The following EVC variants were observed in gnomAD, a reference collection of about 807,000 sequenced individuals.
EVC encodes the protein evC complex member EVC.
A neutral mutation model predicts 118.9 loss-of-function variants in EVC; 116 were observed. The ratio of observed to expected loss-of-function variants is 0.98; its 90% confidence interval spans 0.84 to 1.14. The LOEUF (loss-of-function observed/expected upper bound fraction) is 1.14. EVC is among the 50% of genes most tolerant of loss of function. EVC has a pLI of 0.00. For missense variants in EVC, 1,401 were observed against 1,246.4 expected (o/e 1.12, Z -1.87); for synonymous variants, 619 against 534.7 (o/e 1.16, Z -2.18).
rs1461974356 is a variant in EVC, at chr4:5,798,315, A to G, written c.2098-271A>G. Among the ~76,000 whole-genome samples the G allele has an allele frequency of 2.0e-5, 3 of 152,176 alleles. No homozygotes were observed. The highest frequency in any genetic ancestry group is 4.4e-5 in the Non-Finnish European group (3 of 68,026). On this transcript the variant is annotated intron_variant, in intron 14 of 20. Coordinates refer to ENST00000264956, the MANE Select transcript of EVC (RefSeq NM_153717.3). This position sits in a 1 kb window ranked among gnomAD's most constrained non-coding sequence, Gnocchi z 4.1. ...CTCATGATGTTCTAGAAGGATGAGCAAGGCCCCCCATCTTGTGAGGGGCCA... is the reference window on the plus strand; with the variant it reads ...CTCATGATGTTCTAGAAGGATGAGCGAGGCCCCCCATCTTGTGAGGGGCCA...
rs1320179022 is a variant in EVC at position 5,742,523 on chromosome 4, T to C, written c.801+709T>C. ...CATCATGTCATTGTTGTCATCACCA[T>C]AAACACCATCATCTTTGCTATTGTC... On this transcript the variant is annotated intron_variant, in intron 6 of 20. Coordinates refer to ENST00000264956, the MANE Select transcript of EVC (RefSeq NM_153717.3). The surrounding 1 kb of genome is among the most constrained non-coding windows in gnomAD (Gnocchi z 5.2). Among the ~76,000 whole-genome samples, 1 of 152,150 alleles carries C rather than the reference T, an allele frequency of 6.6e-6. No individual in the cohort carries two copies.
At chr4:5,741,291 C>T (rs1442579380) in intron 5 of EVC, among the ~76,000 whole-genome samples, 1 of 152,332 alleles carries the variant, frequency 6.6e-6, no homozygotes, top group East Asian at 1.9e-4. Flanking sequence ...ACATCTCCAT[C>T]CATTGAAACA....
intron 11 of EVC, among the ~76,000 whole-genome samples, chr4:5,778,155 A>G (rs2152264763): frequency 6.6e-6 from 1 of 151,688 alleles, no homozygotes; most frequent in East Asian, 1.9e-4. Flanking sequence ...ATGTCCCTAC[A>G]AAGGACATGA....
chr4:5,717,579 C>T (rs1463579842), intron 1 of EVC, among the ~76,000 whole-genome samples: 1 of 152,172 alleles, frequency 6.6e-6, no homozygotes, highest in Non-Finnish European at 1.5e-5. Context: ...GGTTGGTAAA[C>T]AACCCCCCAA....
intron 5 of EVC, among the ~76,000 whole-genome samples, chr4:5,735,385 A>T (rs1727498890): frequency 6.6e-6 from 1 of 152,194 alleles, no homozygotes; most frequent in Admixed American, 6.5e-5. Flanking sequence ...TTTGACAATT[A>T]GGAGCTGTGT....
intron 1 of EVC, among the ~76,000 whole-genome samples, chr4:5,712,922 C>G (rs1379983966): frequency 6.6e-6 from 1 of 152,188 alleles, no homozygotes; most frequent in African/African-American, 2.4e-5. Flanking sequence ...GAGGAACTGC[C>G]ATTATCCCCA....
chr4:5,724,639 C>T (rs1725508280), intron 2 of EVC, among the ~76,000 whole-genome samples: 1 of 151,898 alleles, frequency 6.6e-6, no homozygotes, highest in South Asian at 2.1e-4. Context: ...GAGACAGTGA[C>T]CTCTGTGGCA....
the EVC span, chr4:5,828,685 A>C: frequency 2.5e-6 from 4 of 1,611,298 alleles, no homozygotes; most frequent in Non-Finnish European, 3.4e-6. Flanking sequence ...CAACAGCCTC[A>C]GTGTTACTTC....
intron 11 of EVC, among the ~76,000 whole-genome samples, chr4:5,774,943 G>A (rs767922132): frequency 3.9e-5 from 6 of 152,230 alleles, no homozygotes; most frequent in East Asian, 3.9e-4. Flanking sequence ...GACAAAGAAC[G>A]CAGACTTGAG....
chr4:5,815,859 T>C (rs1483300365), downstream of EVC, among the ~76,000 whole-genome samples: 2 of 152,168 alleles, frequency 1.3e-5, no homozygotes, highest in African/African-American at 4.8e-5. Context: ...CATGGTCACC[T>C]GGTGGAAGGA....
At position 5,738,449 on chromosome 4, in the gene EVC, C is replaced by A. The variant is rs181769753; in HGVS notation, c.703-3267C>A. ...ATAGCATGGCACGCTGCAGAGAAATCTTTTGTGAAAGGAAGAGTCAGCTGA... is the reference window on the plus strand; with the variant it reads ...ATAGCATGGCACGCTGCAGAGAAATATTTTGTGAAAGGAAGAGTCAGCTGA... On this transcript the variant is annotated intron_variant, in intron 5 of 20. Coordinates refer to ENST00000264956, the MANE Select transcript of EVC (RefSeq NM_153717.3). The surrounding 1 kb of genome is among the most constrained non-coding windows in gnomAD (Gnocchi z 6.5). Among the ~76,000 whole-genome samples, 29 of 152,254 alleles carry A rather than the reference C, an allele frequency of 1.9e-4. No individual in the cohort carries two copies. Among genetic ancestry groups the A allele is most frequent in the African/African-American group, 6.3e-4 (26 of 41,552 alleles).
rs867835529 is a variant in EVC, at chr4:5,797,096, A to G, written c.1961A>G (p.Asn654Ser). Residue 654 changes from asparagine to serine, a missense_variant, in exon 14 of 21, where the codon AAC (asparagine) becomes AGC (serine). Coordinates refer to ENST00000264956, the MANE Select transcript of EVC (RefSeq NM_153717.3). Reference sequence around the variant, plus strand: ...CTCCGGAGGCTGGCACTCCGCGGCAACGCCCTGGCCACCCTGACGCAGATG... The same window carrying G: ...CTCCGGAGGCTGGCACTCCGCGGCAGCGCCCTGGCCACCCTGACGCAGATG... ...SALRRLALRGNALATLTQMRL... is the reference protein window; with the variant it reads ...SALRRLALRGSALATLTQMRL... 1.2e-6 allele frequency: 2 copies of G among 1,613,550 alleles called. No homozygotes were observed. Among genetic ancestry groups the G allele is most frequent in the African/African-American group, 1.3e-5 (1 of 75,076 alleles).
intron 11 of EVC, among the ~76,000 whole-genome samples, chr4:5,760,711 C>T (rs1298627441): frequency 1.3e-5 from 2 of 152,118 alleles, no homozygotes; most frequent in Admixed American, 1.3e-4. Flanking sequence ...TGCCACCACG[C>T]CCAGCTAATT....
chr4:5,810,416 C>G lies in EVC; in HGVS notation c.2860C>G (p.Leu954Val), dbSNP rs1305591957. 1 of 1,613,398 alleles carries G rather than the reference C, an allele frequency of 6.2e-7. No individual in the cohort carries two copies. Among genetic ancestry groups the G allele is most frequent in the Non-Finnish European group, 8.5e-7 (1 of 1,179,842 alleles). ...CCTGGGGGTGCCCAACAATGAGGAC[C>G]TTGCCTCCGGGGACCAGACCTCAGG... ...GDLGVPNNEDLASGDQTSGSL... is the reference protein window; with the variant it reads ...GDLGVPNNEDVASGDQTSGSL... The change falls in exon 20 of 21, where the codon CTT (leucine) becomes GTT (valine). Residue 954 changes from leucine (L) to valine (V), a missense_variant. Physicochemically the swap from Leu to Val is conservative, Grantham distance 32. Coordinates refer to ENST00000264956, the MANE Select transcript of EVC (RefSeq NM_153717.3).
chr4:5,828,798 T>C, the EVC span: 4 of 1,117,080 alleles, frequency 3.6e-6, no homozygotes, highest in Non-Finnish European at 5.0e-6. Context: ...TAAAAATACC[T>C]TTTATTGACT....
At chr4:5,728,487 G>A (rs1726227960) in intron 2 of EVC, among the ~76,000 whole-genome samples, 1 of 152,030 alleles carries the variant, frequency 6.6e-6, no homozygotes, top group Non-Finnish European at 1.5e-5. Context: ...AGACAATGGG[G>A]TTTTCTAGAT....
In EVC at chr4:5,731,991, T is replaced by C. The variant is rs2151938316; in HGVS notation, c.617+334T>C. ...CAGAGTGCTAAGCACTTTACAGGGA[T>C]TGATGATCTCATGAGGATTTTGCCC... On this transcript the variant is annotated intron_variant, in intron 4 of 20. Coordinates refer to ENST00000264956, the MANE Select transcript of EVC (RefSeq NM_153717.3). This position sits in a 1 kb window ranked among gnomAD's most constrained non-coding sequence, Gnocchi z 5.6. Among the ~76,000 whole-genome samples, 1 of 152,244 alleles carries C rather than the reference T, an allele frequency of 6.6e-6. No homozygotes were observed. Among genetic ancestry groups the C allele is most frequent in the African/African-American group, 2.4e-5 (1 of 41,534 alleles).
At chr4:5,745,408 A>G (rs1729221766) in intron 7 of EVC, 67 bp downstream of exon 7, 1 of 1,525,722 alleles carries the variant, frequency 6.6e-7, no homozygotes, top group South Asian at 1.1e-5. Context: ...TGGCTACATT[A>G]GAGAGATGAT....
chr4:5,730,721 G>T (rs1046556915), intron 3 of EVC, among the ~76,000 whole-genome samples: 2 of 152,104 alleles, frequency 1.3e-5, no homozygotes, highest in East Asian at 3.9e-4. Flanking sequence ...GGACGCTTCT[G>T]CCCAGCAAAC....
Sources: gnomAD v4.1 joint callset for allele counts (sites outside exome capture counted in the v4.1 genomes callset) on GRCh38, gnomAD v4.1.1 for gene constraint, Gnocchi (gnomAD v3.1) non-coding constraint, MANE v1.5 for transcripts, NCBI Gene and HGNC (gene_info 2026-07-23, HGNC 2026-07-21) for gene names.